SLIT3: variants seen among roughly 807,000 people sequenced by gnomAD.
SLIT3 encodes slit homolog 3 protein.
SLIT3 carries 68 observed loss-of-function variants against 184.0 expected under a neutral mutation model. The ratio of observed to expected loss-of-function variants is 0.37; its 90% CI spans 0.30 to 0.45. The LOEUF (loss-of-function observed/expected upper bound fraction) is 0.45, where lower values mean the gene tolerates loss of function less well. Among genes scored for constraint, SLIT3 ranks in the 20% least tolerant of loss-of-function variants. The probability of loss-of-function intolerance (pLI) is 1.00; values close to 1 mark genes in which losing one functional copy is unlikely to be tolerated. For synonymous variants in SLIT3, 831 were observed against 828.6 expected (o/e 1.00, Z -0.05); for missense variants, 1,707 against 2,026.0 (o/e 0.84, Z 3.02).
chr5:168,699,554 G>A (rs770901116), intron 27 of SLIT3, among the ~76,000 whole-genome samples: 2 of 152,336 alleles, frequency 1.3e-5, no homozygotes, highest in Non-Finnish European at 2.9e-5. Context: ...AGGTTGGGTG[G>A]AAGCCAATCC....
intron 4 of SLIT3, among the ~76,000 whole-genome samples, chr5:169,079,012 G>A (rs750864125): frequency 6.6e-6 from 1 of 152,104 alleles, no homozygotes; most frequent in African/African-American, 2.4e-5. Flanking sequence ...GGAGGAGATT[G>A]GAAAAAAAAA....
intron 4 of SLIT3, among the ~76,000 whole-genome samples, chr5:169,066,745 GAAAT>G (rs1758361300): frequency 2.0e-5 from 3 of 151,984 alleles, no homozygotes; most frequent in Non-Finnish European, 4.4e-5. Flanking sequence ...GATATTAATT[GAAAT>G]GTTGCTTACA....
chr5:168,706,423 A>G (rs1288491420), intron 26 of SLIT3: 2 of 152,188 alleles, frequency 1.3e-5, no homozygotes, highest in African/African-American at 2.4e-5. Flanking sequence ...TGCTGAATCC[A>G]TACAAGGGAG....
At position 169,300,799 on chromosome 5, in the gene SLIT3, T is replaced by C. The variant is rs1767659163; in HGVS notation, c.-90A>G. On this transcript the variant is annotated 5_prime_UTR_variant, in exon 1 of 36. Coordinates refer to ENST00000519560, the MANE Select transcript of SLIT3 (RefSeq NM_003062.4). This position sits in a 1 kb window ranked among gnomAD's most constrained non-coding sequence, Gnocchi z 4.1. ...AGGCGCGCGGGGAGCGCGGGCGGCC[T>C]GGGGAGCGGGCGGCGGAGTTAGCGC... 8 of 1,212,542 alleles carry C rather than the reference T, an allele frequency of 6.6e-6. No individual in the cohort carries two copies. The highest frequency in any genetic ancestry group is 4.4e-5 in the Admixed American group (1 of 22,920). 75.1% of individuals were successfully genotyped at this position (1,212,542 alleles called of 1,614,324 possible).
In SLIT3 at chr5:168,845,976, C is replaced by T. The variant is rs571774477; in HGVS notation, c.486-1321G>A. ...AGCTAAACTATCCCAGGACAACTCTCCACAAAAGACATGTCAAAGCTACCT... is the reference window on the plus strand; with the variant it reads ...AGCTAAACTATCCCAGGACAACTCTTCACAAAAGACATGTCAAAGCTACCT... On this transcript the variant is annotated intron_variant, in intron 5 of 35. Transcript: ENST00000519560. Among the ~76,000 whole-genome samples, 155 of 152,288 alleles carry T rather than the reference C, an allele frequency of 1.0e-3. 1 individual carries two copies. Among genetic ancestry groups the T allele is most frequent in the African/African-American group, 3.5e-3 (144 of 41,560 alleles).
At chr5:169,111,389 A>G (rs1037134785) in intron 4 of SLIT3, among the ~76,000 whole-genome samples, 6 of 152,196 alleles carry the variant, frequency 3.9e-5, no homozygotes, top group Non-Finnish European at 7.3e-5. Context: ...GCCATACTCA[A>G]CCATGCAGTT....
At chr5:169,231,918 C>G (rs1192861716) in intron 3 of SLIT3, among the ~76,000 whole-genome samples, 1 of 152,204 alleles carries the variant, frequency 6.6e-6, no homozygotes, top group Non-Finnish European at 1.5e-5. Context: ...TAATGACACA[C>G]TAAGCAACTT....
chr5:169,207,033 C>A (rs10073160), intron 3 of SLIT3, among the ~76,000 whole-genome samples: 2 of 146,534 alleles, frequency 1.4e-5, no homozygotes, highest in African/African-American at 5.0e-5. Flanking sequence ...CTGATTGAAT[C>A]TTTTCCTTAT....
intron 20 of SLIT3, among the ~76,000 whole-genome samples, chr5:168,734,336 A>G (rs1763372310): frequency 6.6e-6 from 1 of 152,176 alleles, no homozygotes; most frequent in Non-Finnish European, 1.5e-5. Flanking sequence ...TCTTTGGTTC[A>G]TCTTTTATCA....
chr5:168,783,923 T>C (rs574498598), intron 12 of SLIT3, among the ~76,000 whole-genome samples: 1 of 152,334 alleles, frequency 6.6e-6, no homozygotes, highest in South Asian at 2.1e-4. Context: ...ATGGTGACAG[T>C]AAACTGGAGT....
At chr5:168,758,990 A>G (rs1032290409) in intron 16 of SLIT3, among the ~76,000 whole-genome samples, 1 of 152,210 alleles carries the variant, frequency 6.6e-6, no homozygotes, top group Non-Finnish European at 1.5e-5. Context: ...TAAAAATATC[A>G]CATAGCTACC....
At chr5:168,687,594 C>T (rs1371661824) in intron 29 of SLIT3, among the ~76,000 whole-genome samples, 2 of 152,220 alleles carry the variant, frequency 1.3e-5, no homozygotes, top group African/African-American at 4.8e-5. Context: ...ACTTAGTTTA[C>T]ACTTGCGTGT....
chr5:168,973,517 A>AT (rs1273743139), intron 4 of SLIT3, among the ~76,000 whole-genome samples: 2 of 152,220 alleles, frequency 1.3e-5, no homozygotes, highest in Admixed American at 6.5e-5. Flanking sequence ...AAGTGCTAGG[A>AT]TTATAGGCGT....
At chr5:168,966,421 C>T (rs141853614) in intron 4 of SLIT3, among the ~76,000 whole-genome samples, 38 of 151,876 alleles carry the variant, frequency 2.5e-4, no homozygotes, top group African/African-American at 9.2e-4. Flanking sequence ...ATTGAAGGGG[C>T]AGCCTGGGTC....
At chr5:169,181,383 AT>A (rs1364955551) in intron 4 of SLIT3, among the ~76,000 whole-genome samples, 1 of 152,200 alleles carries the variant, frequency 6.6e-6, no homozygotes, top group Non-Finnish European at 1.5e-5. Flanking sequence ...TTAGAGCAAT[AT>A]CAGTAAAACT....
intron 28 of SLIT3, 67 bp from the exon 29 acceptor site, chr5:168,692,767 A>G: frequency 8.7e-7 from 1 of 1,150,820 alleles, no homozygotes; most frequent in Non-Finnish European, 1.3e-6. Flanking sequence ...AGAAGATCAG[A>G]GTACTAGGGG....
At chr5:169,061,572 G>A (rs1758175222) in intron 4 of SLIT3, among the ~76,000 whole-genome samples, 1 of 152,192 alleles carries the variant, frequency 6.6e-6, no homozygotes. Context: ...GGCACCTAAT[G>A]CCTGGCCCAT....
intron 4 of SLIT3, among the ~76,000 whole-genome samples, chr5:169,050,650 C>T (rs926954978): frequency 4.6e-5 from 7 of 152,004 alleles, no homozygotes; most frequent in African/African-American, 1.7e-4. Flanking sequence ...TGTTTAACCA[C>T]TGCCCCCTTT....
chr5:168,963,531 G>A (rs570923007), intron 4 of SLIT3, among the ~76,000 whole-genome samples: 1 of 152,386 alleles, frequency 6.6e-6, no homozygotes, highest in South Asian at 2.1e-4. Flanking sequence ...GCAAAGGTGA[G>A]TGGTTGTGAC....
Sources: allele counts gnomAD v4.1 joint callset (sites outside exome capture counted in the v4.1 genomes callset), GRCh38; gene constraint gnomAD v4.1.1; non-coding constraint Gnocchi (gnomAD v3.1); transcripts MANE v1.5; gene names NCBI Gene and HGNC (gene_info 2026-07-23, HGNC 2026-07-21).